Variants in NRXN1 observed in about 807,000 individuals in gnomAD.
The protein encoded by NRXN1 is neurexin 1, also known as neurexin-1.
In NRXN1, 39 loss-of-function variants were observed where a neutral mutation model predicts 150.9. The ratio of observed to expected loss-of-function variants is 0.26; its 90% confidence interval spans 0.20 to 0.34. NRXN1 has a LOEUF of 0.34. NRXN1 is among the 10% of genes least tolerant of loss of function. The probability of loss-of-function intolerance (pLI) is 1.00; values close to 1 mark genes in which losing one functional copy is unlikely to be tolerated. For missense variants in NRXN1, 1,815 were observed against 1,949.9 expected (o/e 0.93, Z 1.30); for synonymous variants, 924 against 757.0 (o/e 1.22, Z -3.62).
intron 8 of NRXN1, among the ~76,000 whole-genome samples, chr2:50,614,935 G>A (rs1351299179): frequency 1.3e-5 from 2 of 151,906 alleles, no homozygotes; most frequent in African/African-American, 4.8e-5. Flanking sequence ...ACTGTGATGT[G>A]GGCACTTCAT....
chr2:50,476,276 G>A (rs1266871302), intron 15 of NRXN1, among the ~76,000 whole-genome samples: 1 of 152,030 alleles, frequency 6.6e-6, no homozygotes, highest in African/African-American at 2.4e-5. Context: ...GAATGAACTG[G>A]GGTGATATCA....
intron 5 of NRXN1, among the ~76,000 whole-genome samples, chr2:50,671,542 A>G (rs1367149813): frequency 7.9e-5 from 12 of 151,738 alleles, no homozygotes; most frequent in Non-Finnish European, 1.6e-4. Context: ...CAGTCAGATA[A>G]ATCAATTTTT....
rs78726114 is a variant in NRXN1 at position 50,602,507 on chromosome 2, C to T, written c.1320+17515G>A. On this transcript the variant is annotated intron_variant, in intron 8 of 22. Coordinates refer to ENST00000401669, the MANE Select transcript of NRXN1 (RefSeq NM_001330078.2). ...ATTTCTTTTCCAGAATCAACAATCA[C>T]TTTCCAAAAATTGCTCTTATTTTTA... Among the ~76,000 whole-genome samples the T allele has an allele frequency of 9.5e-3, 1,442 of 152,128 alleles. 23 individuals carry two copies. The highest frequency in any genetic ancestry group is 0.032 in the African/African-American group (1,343 of 41,522).
chr2:50,498,858 C>T lies in NRXN1; in HGVS notation c.2498-1144G>A, dbSNP rs188438972. On this transcript the variant is annotated intron_variant, in intron 13 of 22. Coordinates refer to ENST00000401669, the MANE Select transcript of NRXN1 (RefSeq NM_001330078.2). Reference sequence around the variant, plus strand: ...TTTATTTTGTAATCAAGTTCTTCCACGTGCTAGCTTCCCTGCCCGATTTGC... The same window carrying T: ...TTTATTTTGTAATCAAGTTCTTCCATGTGCTAGCTTCCCTGCCCGATTTGC... Among the ~76,000 whole-genome samples, 258 of 152,322 alleles carry T rather than the reference C, an allele frequency of 1.7e-3. 2 individuals are homozygous for T. The highest frequency in any genetic ancestry group is 5.8e-3 in the African/African-American group (240 of 41,576).
Position 49,922,194 on chromosome 2 carries a change from C to T in NRXN1, c.4274G>A (p.Arg1425Gln), listed in dbSNP as rs201559515. 6.2e-6 allele frequency: 10 copies of T among 1,614,126 alleles called. No individual in the cohort carries two copies. The highest frequency in any genetic ancestry group is 8.5e-6 in the Non-Finnish European group (10 of 1,180,022). The change falls in exon 23 of 23, where the codon CGG becomes CAG. Residue 1425 changes from arginine (R) to glutamine (Q), a missense_variant. Arg to Gln is a conservative substitution (Grantham distance 43, BLOSUM62 1). Around this residue, in one of 6 missense-constraint regions of NRXN1, gnomAD observed 265 missense variants for 307.1 expected, o/e 0.86. Coordinates refer to ENST00000401669, the MANE Select transcript of NRXN1 (RefSeq NM_001330078.2). ...EPYPGSAEVIRESSSTTGMVV... is the reference protein window; with the variant it reads ...EPYPGSAEVIQESSSTTGMVV... ...CATACCCGTGGTGCTGCTGGACTCC[C>T]GGATCACTTCTGCTGAGCCTGGATA...
chr2:50,357,830 A>G (rs1381748396), intron 17 of NRXN1, among the ~76,000 whole-genome samples: 1 of 152,222 alleles, frequency 6.6e-6, no homozygotes, highest in Non-Finnish European at 1.5e-5. Context: ...AGCTCCTAGC[A>G]AGACCAATTC....
At chr2:50,730,981 T>A (rs1392025087) in intron 5 of NRXN1, among the ~76,000 whole-genome samples, 2 of 152,156 alleles carry the variant, frequency 1.3e-5, no homozygotes, top group Admixed American at 6.5e-5. Context: ...CCTTCCCTTA[T>A]CTTTCTTACT....
At chr2:50,290,285 T>C (rs540152816) in intron 17 of NRXN1, among the ~76,000 whole-genome samples, 13 of 152,272 alleles carry the variant, frequency 8.5e-5, no homozygotes, top group African/African-American at 3.1e-4. Flanking sequence ...TCGCCTGAAA[T>C]TGAAGAAGCT....
chr2:50,383,766 G>A (rs940596124), intron 17 of NRXN1, among the ~76,000 whole-genome samples: 10 of 152,146 alleles, frequency 6.6e-5, no homozygotes, highest in East Asian at 1.9e-4. Flanking sequence ...ATTCTTGAGC[G>A]GAATGATCCC....
At chr2:50,776,957 T>C (rs1574439038) in intron 5 of NRXN1, among the ~76,000 whole-genome samples, 1 of 152,162 alleles carries the variant, frequency 6.6e-6, no homozygotes, top group African/African-American at 2.4e-5. Context: ...AAGTACATGC[T>C]GAAATCAAAG....
intron 8 of NRXN1, chr2:50,588,961 G>C (rs1224031340): frequency 2.6e-5 from 4 of 152,140 alleles, no homozygotes; most frequent in African/African-American, 7.2e-5. Flanking sequence ...TCATAGCTCA[G>C]ACTATGCCCA....
rs1306461048 is a variant in NRXN1 at position 50,352,771 on chromosome 2, AATAATATT to A, written c.3364+112663_3364+112670del. Among the ~76,000 whole-genome samples the A allele has an allele frequency of 1.5e-4, 13 of 85,622 alleles. No individual in the cohort carries two copies. The South Asian group carries it at 3.6e-3, about 24-fold the overall frequency. The allele number at this position is 85,622 out of a possible 152,430, so 56.2% of individuals were successfully genotyped here. On this transcript the variant is annotated intron_variant, in intron 17 of 22. Transcript: ENST00000401669. ...GAGCATTGATAATAATAATAATAAT[AATAATATT>A]ATAATAATAATAATAATAATAATAA...
At chr2:49,995,436 T>C (rs1043877926) in intron 21 of NRXN1, among the ~76,000 whole-genome samples, 6 of 152,136 alleles carry the variant, frequency 3.9e-5, no homozygotes, top group Non-Finnish European at 7.3e-5. Context: ...TTTTAAAAAG[T>C]GGTAAAGCCT....
chr2:50,880,995 A>G (rs983936), intron 5 of NRXN1, among the ~76,000 whole-genome samples: 80,322 of 151,836 alleles, frequency 0.53, 23,178 homozygotes, highest in Non-Finnish European at 0.67. Flanking sequence ...GTCAAGAGAT[A>G]TAGACCAGAT....
At chr2:50,600,846 T>C (rs1290920321) in intron 8 of NRXN1, among the ~76,000 whole-genome samples, 3 of 152,278 alleles carry the variant, frequency 2.0e-5, no homozygotes, top group East Asian at 1.9e-4. Flanking sequence ...ATTAAAGCTC[T>C]GGTATGAATA....
intron 16 of NRXN1, among the ~76,000 whole-genome samples, chr2:50,468,408 A>C (rs1478942668): frequency 6.6e-6 from 1 of 151,602 alleles, no homozygotes; most frequent in Non-Finnish European, 1.5e-5. Context: ...CCTTTGCCTG[A>C]CAAGACACAT....
At chr2:50,286,285 C>A (rs138518876) in intron 17 of NRXN1, among the ~76,000 whole-genome samples, 1 of 152,066 alleles carries the variant, frequency 6.6e-6, no homozygotes, top group Non-Finnish European at 1.5e-5. Flanking sequence ...CCAAACTCCA[C>A]CAACACCACC....
chr2:50,079,044 G>A (rs1288463030), intron 19 of NRXN1, among the ~76,000 whole-genome samples: 1 of 151,922 alleles, frequency 6.6e-6, no homozygotes, highest in Non-Finnish European at 1.5e-5. Context: ...TAATTTTTCT[G>A]TATGGGTGAG....
intron 21 of NRXN1, among the ~76,000 whole-genome samples, chr2:50,027,012 G>C (rs1323094508): frequency 6.6e-6 from 1 of 151,284 alleles, no homozygotes; most frequent in Non-Finnish European, 1.5e-5. Context: ...CTCCCAAGTA[G>C]CTGAGACTAC....
Sources: gnomAD v4.1 joint callset for allele counts (sites outside exome capture counted in the v4.1 genomes callset) on GRCh38, gnomAD v4.1.1 for gene constraint, gnomAD v4.1.1 regional missense constraint, MANE v1.5 for transcripts, NCBI Gene and HGNC (gene_info 2026-07-23, HGNC 2026-07-21) for gene names.